CDH8: variants seen among roughly 807,000 people sequenced by gnomAD.
CDH8 encodes cadherin 8.
A neutral mutation model predicts 68.1 loss-of-function variants in CDH8; 17 were observed. That is an observed-to-expected ratio of 0.25 (90% confidence interval 0.17 to 0.37). The LOEUF is 0.37. CDH8 is among the 10% of genes least tolerant of loss of function. The pLI is 1.00. For synonymous variants in CDH8, 372 were observed against 365.1 expected, an observed-to-expected ratio of 1.02 and a Z score of -0.21; for missense variants, 763 against 999.3, an observed-to-expected ratio of 0.76 and a Z score of 3.19.
intron 2 of CDH8, among the ~76,000 whole-genome samples, chr16:62,012,565 G>A (rs1203469526): frequency 6.6e-6 from 1 of 152,076 alleles, no homozygotes; most frequent in Non-Finnish European, 1.5e-5. Flanking sequence ...TGAATGGATG[G>A]CATTGATGTT....
chr16:61,761,903 G>A (rs548877964), intron 8 of CDH8, among the ~76,000 whole-genome samples: 28 of 152,262 alleles, frequency 1.8e-4, no homozygotes, highest in East Asian at 1.5e-3. Context: ...GGGAGGCTGA[G>A]GTGGGAGGAT....
At position 62,033,914 on chromosome 16, in the gene CDH8, A is replaced by G. The variant is rs945910173; in HGVS notation, c.-200+2166T>C. Among the ~76,000 whole-genome samples, 6 of 152,186 alleles carry G rather than the reference A, an allele frequency of 3.9e-5. No individual in the cohort carries two copies. In the East Asian group the frequency reaches 1.2e-3, roughly 29 times the overall value. On this transcript the variant is annotated intron_variant, in intron 1 of 11. Coordinates refer to ENST00000577390, the MANE Select transcript of CDH8 (RefSeq NM_001796.5). ...TTTAAAATACTGTGACTGCTCCAGCATGAAATGACTATGTGACAGCGAGCT... is the reference window on the plus strand; with the variant it reads ...TTTAAAATACTGTGACTGCTCCAGCGTGAAATGACTATGTGACAGCGAGCT...
chr16:61,927,862 T>C (rs548438109), intron 2 of CDH8, among the ~76,000 whole-genome samples: 3 of 152,246 alleles, frequency 2.0e-5, no homozygotes, highest in South Asian at 4.1e-4. Context: ...ACAAGAAGAG[T>C]AGGCTAGTTA....
intron 2 of CDH8, among the ~76,000 whole-genome samples, chr16:61,991,427 T>C (rs1488279091): frequency 6.6e-6 from 1 of 152,156 alleles, no homozygotes; most frequent in Non-Finnish European, 1.5e-5. Context: ...CTAATGCAAA[T>C]GCGTAAAGGA....
chr16:61,845,664 C>T (rs980888924), intron 4 of CDH8, among the ~76,000 whole-genome samples: 17 of 152,038 alleles, frequency 1.1e-4, no homozygotes, highest in African/African-American at 3.6e-4. Context: ...ATAAAACTAT[C>T]ACACTTAAGA....
At chr16:61,875,872 C>A (rs1963448544) in intron 3 of CDH8, among the ~76,000 whole-genome samples, 1 of 152,068 alleles carries the variant, frequency 6.6e-6, no homozygotes, top group Admixed American at 6.6e-5. Context: ...GTTTTCTTTT[C>A]TTCTCCCTGC....
chr16:61,740,421 G>A (rs1290367917), intron 8 of CDH8, among the ~76,000 whole-genome samples: 2 of 151,900 alleles, frequency 1.3e-5, no homozygotes, highest in African/African-American at 4.8e-5. Context: ...AGTAAGCCAT[G>A]AGAATGAAAA....
intron 10 of CDH8, among the ~76,000 whole-genome samples, chr16:61,679,102 T>C (rs1386903656): frequency 5.3e-5 from 8 of 152,036 alleles, no homozygotes; most frequent in African/African-American, 1.9e-4. Flanking sequence ...TGAACAGAAG[T>C]GACGTACGTC....
intron 8 of CDH8, among the ~76,000 whole-genome samples, chr16:61,761,927 A>G (rs1262228240): frequency 6.6e-6 from 1 of 152,084 alleles, no homozygotes; most frequent in Non-Finnish European, 1.5e-5. Flanking sequence ...TTGAACCTAC[A>G]GGTGTTGAGG....
intron 8 of CDH8, among the ~76,000 whole-genome samples, chr16:61,754,179 A>G (rs1021293847): frequency 3.9e-5 from 6 of 152,200 alleles, no homozygotes; most frequent in Non-Finnish European, 8.8e-5. Context: ...AAGGATTTTG[A>G]TAAAATAATG....
intron 3 of CDH8, among the ~76,000 whole-genome samples, chr16:61,887,381 A>G (rs1387784886): frequency 1.3e-5 from 2 of 152,214 alleles, no homozygotes; most frequent in African/African-American, 4.8e-5. Context: ...AAATTCCCAC[A>G]GACCGGGTGG....
chr16:61,784,005 A>C (rs2142993044), intron 8 of CDH8, among the ~76,000 whole-genome samples: 1 of 152,300 alleles, frequency 6.6e-6, no homozygotes, highest in East Asian at 1.9e-4. Context: ...AAGACCATCG[A>C]GGCTAGGAAG....
intron 2 of CDH8, among the ~76,000 whole-genome samples, chr16:62,005,403 G>T (rs975571235): frequency 1.3e-5 from 2 of 152,122 alleles, no homozygotes; most frequent in African/African-American, 4.8e-5. Flanking sequence ...AAGCTCAGAG[G>T]TCACAAGGCA....
At chr16:61,915,744 C>T (rs1445524600) in intron 2 of CDH8, among the ~76,000 whole-genome samples, 4 of 152,150 alleles carry the variant, frequency 2.6e-5, no homozygotes, top group Admixed American at 2.0e-4. Context: ...ACCCAATTAA[C>T]AGCACAGGGT....
intron 3 of CDH8, among the ~76,000 whole-genome samples, chr16:61,869,395 G>A (rs1162839570): frequency 6.6e-6 from 1 of 152,152 alleles, no homozygotes; most frequent in Non-Finnish European, 1.5e-5. Context: ...AAGGTGGAGG[G>A]CAGGTTGGAG....
chr16:61,921,236 T>C (rs1191203631), intron 2 of CDH8, among the ~76,000 whole-genome samples: 2 of 150,196 alleles, frequency 1.3e-5, no homozygotes, highest in African/African-American at 2.5e-5. Flanking sequence ...CACATGTACC[T>C]TAAAACTTAA....
chr16:62,005,261 A>G (rs757017216), intron 2 of CDH8, among the ~76,000 whole-genome samples: 9 of 152,236 alleles, frequency 5.9e-5, no homozygotes, highest in Non-Finnish European at 1.2e-4. Context: ...AGACAGCTGC[A>G]AAAGCCTTCC....
intron 11 of CDH8, 110 bp downstream of exon 11, chr16:61,655,360 T>C: frequency 9.4e-7 from 1 of 1,068,594 alleles, no homozygotes; most frequent in African/African-American, 1.6e-5. Flanking sequence ...GAAGTTCCTC[T>C]TCCCCAACGG....
At chr16:61,779,486 A>G (rs1960992417) in intron 8 of CDH8, among the ~76,000 whole-genome samples, 1 of 145,206 alleles carries the variant, frequency 6.9e-6, no homozygotes, top group African/African-American at 2.6e-5. Context: ...GAGGGAAACA[A>G]GGAAGAAGTT....
Sources: allele counts gnomAD v4.1 joint callset (sites outside exome capture counted in the v4.1 genomes callset), GRCh38; gene constraint gnomAD v4.1.1; transcripts MANE v1.5; gene names NCBI Gene and HGNC (gene_info 2026-07-23, HGNC 2026-07-21).